RALGAPA1: variants seen among roughly 807,000 people sequenced by gnomAD.
RALGAPA1 encodes the protein Ral GTPase activating protein catalytic subunit alpha 1.
RALGAPA1 carries 52 observed loss-of-function variants against 269.6 expected under a neutral mutation model. The observed-to-expected ratio is 0.19, with a 90% CI of 0.15 to 0.24. The LOEUF is 0.24. RALGAPA1 is among the 10% of genes least tolerant of loss of function. RALGAPA1 has a pLI of 1.00. For missense variants in RALGAPA1, 1,917 were observed against 3,013.9 expected (o/e 0.64, Z 8.52); for synonymous variants, 817 against 1,008.3 (o/e 0.81, Z 3.60).
intron 35 of RALGAPA1, among the ~76,000 whole-genome samples, chr14:35,623,009 G>A (rs1300671657): frequency 3.3e-5 from 5 of 151,230 alleles, no homozygotes; most frequent in Admixed American, 6.6e-5. Context: ...TTGAACCTGG[G>A]AGGTAGAGAC....
intron 35 of RALGAPA1, among the ~76,000 whole-genome samples, chr14:35,621,950 G>A (rs1376986549): frequency 6.6e-6 from 1 of 152,232 alleles, no homozygotes; most frequent in African/African-American, 2.4e-5. Context: ...GTGGAAGACA[G>A]TGTGGCGATT....
At chr14:35,798,992 CAAA>C (rs60003824) in intron 1 of RALGAPA1, among the ~76,000 whole-genome samples, 11 of 81,338 alleles carry the variant, frequency 1.4e-4, no homozygotes, top group East Asian at 3.5e-4. Context: ...CTGTCTGTGT[CAAA>C]AAAAAAAAAA....
chr14:35,590,643 G>C (rs987790351), intron 37 of RALGAPA1, among the ~76,000 whole-genome samples: 1 of 152,166 alleles, frequency 6.6e-6, no homozygotes, highest in East Asian at 1.9e-4. Flanking sequence ...CAGCCATATG[G>C]AACTGTGAGT....
intron 1 of RALGAPA1, among the ~76,000 whole-genome samples, chr14:35,786,440 G>A (rs1175048373): frequency 6.6e-6 from 1 of 151,998 alleles, no homozygotes; most frequent in Non-Finnish European, 1.5e-5. Context: ...GAGGTCAGAA[G>A]ATCGAGACCA....
chr14:35,583,002 A>ACTCT (rs2058049904), intron 37 of RALGAPA1, among the ~76,000 whole-genome samples: 1 of 152,138 alleles, frequency 6.6e-6, no homozygotes, highest in South Asian at 2.1e-4. Context: ...ATACCACTAA[A>ACTCT]GGCCTATTTA....
chr14:35,619,935 C>A (rs369629660), intron 35 of RALGAPA1, among the ~76,000 whole-genome samples: 29 of 152,140 alleles, frequency 1.9e-4, no homozygotes, highest in East Asian at 5.8e-4. Flanking sequence ...CCAAATTCTA[C>A]CAGAGGTACA....
intron 35 of RALGAPA1, among the ~76,000 whole-genome samples, chr14:35,614,639 T>C (rs991186345): frequency 1.3e-5 from 2 of 152,174 alleles, no homozygotes; most frequent in South Asian, 2.1e-4. Flanking sequence ...ATTGGGGTGA[T>C]AGTTGTACAA....
chr14:35,762,148 G>C lies in RALGAPA1; in HGVS notation c.369+562C>G, dbSNP rs561273015. On this transcript the variant is annotated intron_variant, in intron 5 of 41. Coordinates refer to ENST00000680220, the MANE Select transcript of RALGAPA1 (RefSeq NM_001346249.2). ...CCTTCTGGGGACCATAAAGAGGAAA[G>C]ATTGCTGGTGAATGAGTCCATTGAG... Among the ~76,000 whole-genome samples the C allele has an allele frequency of 3.9e-5, 6 of 152,314 alleles. No homozygotes were observed. The South Asian group carries it at 1.2e-3, about 32-fold the overall frequency.
intron 35 of RALGAPA1, among the ~76,000 whole-genome samples, chr14:35,608,514 T>G (rs2059723286): frequency 6.6e-6 from 1 of 152,194 alleles, no homozygotes; most frequent in Non-Finnish European, 1.5e-5. Context: ...GTCAAAGGAA[T>G]GGAAACAAGT....
At position 35,659,288 on chromosome 14, in the gene RALGAPA1, T is replaced by C. The variant is rs556826305; in HGVS notation, c.5329-92A>G. 7.1e-5 allele frequency: 60 copies of C among 842,052 alleles called. 1 individual carries two copies. Among genetic ancestry groups the C allele is most frequent in the South Asian group, 6.3e-4 (35 of 55,480 alleles). The allele number at this position is 842,052 out of a possible 1,614,324, so 52.2% of individuals were successfully genotyped here. On this transcript the variant is annotated intron_variant, in intron 27 of 41. Transcript: ENST00000680220. ...ATTAAGTGGTTATTAAAGCAGTCTT[T>C]GTTCTCATGTATGTACTTTCAATAA...
At chr14:35,568,853 C>A (rs1038037545) in intron 39 of RALGAPA1, among the ~76,000 whole-genome samples, 1 of 152,204 alleles carries the variant, frequency 6.6e-6, no homozygotes, top group African/African-American at 2.4e-5. Context: ...CATGTCCATA[C>A]TACTCACTGA....
intron 24 of RALGAPA1, among the ~76,000 whole-genome samples, chr14:35,673,554 T>C (rs921757715): frequency 3.3e-5 from 5 of 152,186 alleles, no homozygotes; most frequent in Non-Finnish European, 7.4e-5. Context: ...AGTGAGGCCC[T>C]GTCTTTTAAA....
rs76653355 is a variant in RALGAPA1 at position 35,749,481 on chromosome 14, T to C, written c.1012-657A>G. Among the ~76,000 whole-genome samples the C allele has an allele frequency of 5.2e-3, 791 of 152,310 alleles. 10 individuals carry two copies. The highest frequency in any genetic ancestry group is 0.018 in the African/African-American group (738 of 41,586). The stretch of plus-strand genomic sequence containing the variant: ...TTACTATATGGTAAAAGTAGCACTA[T>C]TCTGTGGTATAAATTACTTTCTGTT... On this transcript the variant is annotated intron_variant, in intron 9 of 41. Coordinates refer to ENST00000680220, the MANE Select transcript of RALGAPA1 (RefSeq NM_001346249.2).
intron 1 of RALGAPA1, among the ~76,000 whole-genome samples, chr14:35,787,811 G>A (rs750683284): frequency 6.6e-6 from 1 of 151,270 alleles, no homozygotes; most frequent in Non-Finnish European, 1.5e-5. Flanking sequence ...CAAACTCCTG[G>A]GCTCAAGCAA....
In RALGAPA1 at chr14:35,772,784, G is replaced by A. The variant is rs186308992; in HGVS notation, c.268-1785C>T. Reference sequence around the variant, plus strand: ...TAGGTTACAAAGCTAGAAAGTGAAAGAACAGAGGTTCCAAATTCAATACGC... The same window carrying A: ...TAGGTTACAAAGCTAGAAAGTGAAAAAACAGAGGTTCCAAATTCAATACGC... On this transcript the variant is annotated intron_variant, in intron 3 of 41. Transcript: ENST00000680220. 9.9e-5 allele frequency among the ~76,000 whole-genome samples: 15 copies of A among 152,268 alleles called. No homozygotes were observed. In the East Asian group the frequency reaches 2.5e-3, roughly 25 times the overall value.
rs777566820 is a variant in RALGAPA1 at position 35,728,459 on chromosome 14, T to C, written c.1639A>G (p.Ile547Val). Residue 547 changes from isoleucine (I) to valine (V), a missense_variant, in exon 13 of 42, where the codon ATA (isoleucine) becomes GTA (valine). Transcript: ENST00000680220. ...NIFLLEPANEIKNLLDEHTDM... is the reference protein window; with the variant it reads ...NIFLLEPANEVKNLLDEHTDM... The stretch of plus-strand genomic sequence containing the variant: ...GTGTGTTCATCCAGAAGATTTTTTA[T>C]TTCATTTGCAGGTTCAAGAAGAAAT... 3.7e-6 allele frequency: 6 copies of C among 1,609,088 alleles called. No homozygotes were observed. Among genetic ancestry groups the C allele is most frequent in the Non-Finnish European group, 5.1e-6 (6 of 1,178,286 alleles).
chr14:35,685,264 G>T, intron 19 of RALGAPA1, 119 bp from the exon 20 acceptor site: 1 of 867,518 alleles, frequency 1.2e-6, no homozygotes, highest in Non-Finnish European at 1.7e-6. Context: ...TGAAGTAGGA[G>T]TGGAGAACAC....
At chr14:35,727,310 C>CATATATATAT (rs34288628) in intron 13 of RALGAPA1, among the ~76,000 whole-genome samples, 73 of 104,458 alleles carry the variant, frequency 7.0e-4, no homozygotes, top group Non-Finnish European at 9.4e-4. Flanking sequence ...AAAATTATGG[C>CATATATATAT]ATATATATAT....
intron 4 of RALGAPA1, chr14:35,765,913 T>C: frequency 8.6e-7 from 1 of 1,159,456 alleles, no homozygotes; most frequent in Non-Finnish European, 1.3e-6. Context: ...GAGTTTGCTA[T>C]GAGATCTGGA....
Sources: allele counts gnomAD v4.1 joint callset (sites outside exome capture counted in the v4.1 genomes callset), GRCh38; gene constraint gnomAD v4.1.1; transcripts MANE v1.5; gene names NCBI Gene and HGNC (gene_info 2026-07-23, HGNC 2026-07-21).